The following CNTN5 variants were observed in gnomAD, a reference collection of about 807,000 sequenced individuals.
CNTN5 encodes the protein contactin-5.
A neutral mutation model predicts 129.1 loss-of-function variants in CNTN5; 77 were observed. The ratio of observed to expected loss-of-function variants is 0.60; its 90% CI spans 0.50 to 0.72. CNTN5 has a LOEUF of 0.72. Among genes scored for constraint, CNTN5 ranks in the 30% least tolerant of loss-of-function variants. CNTN5 has a pLI of 0.00. For synonymous variants in CNTN5, 509 were observed against 465.6 expected (o/e 1.09, Z -1.20); for missense variants, 1,478 against 1,328.8 (o/e 1.11, Z -1.75).
At chr11:99,144,703 T>C (rs889169119) in intron 1 of CNTN5, among the ~76,000 whole-genome samples, 4 of 152,164 alleles carry the variant, frequency 2.6e-5, no homozygotes, top group Non-Finnish European at 5.9e-5. Flanking sequence ...ATATACTTTA[T>C]TGTTGAAGCT....
chr11:99,718,592 G>T (rs1443310273), intron 3 of CNTN5, among the ~76,000 whole-genome samples: 1 of 152,060 alleles, frequency 6.6e-6, no homozygotes, highest in Admixed American at 6.6e-5. Flanking sequence ...CAGTTTAAAG[G>T]AAAAATAAAC....
intron 23 of CNTN5, among the ~76,000 whole-genome samples, chr11:100,344,047 G>A (rs189846578): frequency 1.6e-4 from 25 of 152,154 alleles, no homozygotes; most frequent in African/African-American, 6.0e-4. Context: ...GAAAGGGAGA[G>A]TTTCCATACT....
At chr11:99,968,491 G>A (rs1951155682) in intron 8 of CNTN5, among the ~76,000 whole-genome samples, 2 of 151,892 alleles carry the variant, frequency 1.3e-5, no homozygotes, top group East Asian at 3.9e-4. Flanking sequence ...ATTACATTAG[G>A]TAATTTGTCT....
intron 2 of CNTN5, among the ~76,000 whole-genome samples, chr11:99,426,814 ATAAGGCTACTG>A (rs1190171687): frequency 6.6e-6 from 1 of 152,180 alleles, no homozygotes; most frequent in Non-Finnish European, 1.5e-5. Context: ...AGGTCTGAAG[ATAAGGCTACTG>A]TAAGTGTTTA....
chr11:99,767,977 G>C (rs1040258416), intron 3 of CNTN5, among the ~76,000 whole-genome samples: 3 of 152,048 alleles, frequency 2.0e-5, no homozygotes, highest in African/African-American at 7.2e-5. Flanking sequence ...GACAATTTCA[G>C]CTTGTCATCT....
Position 99,960,010 on chromosome 11 carries a change from T to A in CNTN5, c.877+3001T>A, listed in dbSNP as rs188207170. ...AAAAACCCACAAAATCCTACTCACC[T>A]CTCCCTGCCACTAAATCTCACGCTG... is the stretch of plus-strand genomic sequence containing the variant. On this transcript the variant is annotated intron_variant, in intron 8 of 24. Transcript: ENST00000524871. Among the ~76,000 whole-genome samples, 211 of 152,160 alleles carry A rather than the reference T, an allele frequency of 1.4e-3. 2 individuals are homozygous for A. The East Asian group carries it at 0.031, about 22-fold the overall frequency.
intron 3 of CNTN5, among the ~76,000 whole-genome samples, chr11:99,596,887 A>T (rs1950144308): frequency 6.6e-6 from 1 of 152,206 alleles, no homozygotes; most frequent in South Asian, 2.1e-4. Context: ...CATACATATA[A>T]AACTAATATG....
At chr11:100,271,473 C>T (rs181458994) in intron 18 of CNTN5, among the ~76,000 whole-genome samples, 109 of 152,220 alleles carry the variant, frequency 7.2e-4, no homozygotes, top group African/African-American at 1.9e-3. Flanking sequence ...AATTTTCTCC[C>T]AATCCTTGTA....
chr11:100,089,178 TTG>T (rs1342309589), intron 13 of CNTN5, among the ~76,000 whole-genome samples: 2 of 151,908 alleles, frequency 1.3e-5, no homozygotes, highest in African/African-American at 4.8e-5. Flanking sequence ...TTTAATGGGG[TTG>T]TTTGTTTTTT....
At chr11:99,988,126 G>A (rs541299231) in intron 8 of CNTN5, among the ~76,000 whole-genome samples, 3 of 152,170 alleles carry the variant, frequency 2.0e-5, no homozygotes, top group Non-Finnish European at 4.4e-5. Context: ...TTTGTAAAAT[G>A]AAATATGTTG....
intron 2 of CNTN5, among the ~76,000 whole-genome samples, chr11:99,523,663 T>TAGAATAGAATAGAAA (rs1565258700): frequency 3.0e-5 from 4 of 132,670 alleles, no homozygotes; most frequent in African/African-American, 1.1e-4. Context: ...ACAGAACAGA[T>TAGAATAGAATAGAAA]CAGAACAGAA....
chr11:99,466,045 C>G (rs567063045), intron 2 of CNTN5, among the ~76,000 whole-genome samples: 1 of 152,012 alleles, frequency 6.6e-6, no homozygotes, highest in Non-Finnish European at 1.5e-5. Flanking sequence ...CCATGCCCTG[C>G]TCAATTTTTT....
chr11:99,629,163 A>G (rs1392646815), intron 3 of CNTN5, among the ~76,000 whole-genome samples: 1 of 152,102 alleles, frequency 6.6e-6, no homozygotes, highest in Non-Finnish European at 1.5e-5. Context: ...TAGCATAGTA[A>G]GAGGCAAAAA....
chr11:100,058,949 T>C (rs1943353845), intron 9 of CNTN5, among the ~76,000 whole-genome samples: 1 of 152,028 alleles, frequency 6.6e-6, no homozygotes, highest in Non-Finnish European at 1.5e-5. Context: ...GCAGATATGA[T>C]TGGAAACACA....
At chr11:99,544,544 T>C (rs945151391) in intron 2 of CNTN5, among the ~76,000 whole-genome samples, 6 of 152,184 alleles carry the variant, frequency 3.9e-5, no homozygotes, top group Non-Finnish European at 8.8e-5. Context: ...GAGTAATTAT[T>C]TTAAATGCTT....
At chr11:99,268,088 C>T (rs1862993768) in intron 1 of CNTN5, among the ~76,000 whole-genome samples, 1 of 151,902 alleles carries the variant, frequency 6.6e-6, no homozygotes, top group African/African-American at 2.4e-5. Flanking sequence ...CTGCTGTTTG[C>T]TAGCTATTTG....
chr11:99,615,737 A>G (rs977296535), intron 3 of CNTN5, among the ~76,000 whole-genome samples: 1 of 151,116 alleles, frequency 6.6e-6, no homozygotes, highest in Non-Finnish European at 1.5e-5. Context: ...CACACACTTT[A>G]TTTGGATTTT....
At chr11:100,286,203 T>G (rs1950785265) in intron 18 of CNTN5, among the ~76,000 whole-genome samples, 1 of 152,178 alleles carries the variant, frequency 6.6e-6, no homozygotes, top group Non-Finnish European at 1.5e-5. Flanking sequence ...TTGCCCAGGC[T>G]TGCTTAGGTA....
intron 4 of CNTN5, among the ~76,000 whole-genome samples, chr11:99,827,651 A>G (rs1947007708): frequency 6.6e-6 from 1 of 152,216 alleles, no homozygotes; most frequent in Non-Finnish European, 1.5e-5. Context: ...GACAAAGTGT[A>G]TATCTGTAAT....
Sources: allele counts gnomAD v4.1 joint callset (sites outside exome capture counted in the v4.1 genomes callset), GRCh38; gene constraint gnomAD v4.1.1; transcripts MANE v1.5; gene names NCBI Gene and HGNC (gene_info 2026-07-23, HGNC 2026-07-21).